The following DMD variants were observed in gnomAD, a reference collection of about 807,000 sequenced individuals.
DMD encodes dystrophin, also known as mutant dystrophin.
A neutral mutation model predicts 330.1 loss-of-function variants in DMD; 63 were observed. That is an observed-to-expected ratio of 0.19 (90% CI 0.16 to 0.24). The LOEUF (loss-of-function observed/expected upper bound fraction) is 0.24, where lower values mean the gene tolerates loss of function less well. Among genes scored for constraint, DMD ranks in the 10% least tolerant of loss-of-function variants. The pLI, the probability that DMD is intolerant of heterozygous loss-of-function variation, is 1.00. For synonymous variants in DMD, 1,223 were observed against 959.8 expected, an observed-to-expected ratio of 1.27 and a Z score of -5.07; for missense variants, 3,344 against 2,684.1, an observed-to-expected ratio of 1.25 and a Z score of -5.43.
At chrX:32,238,117 T>C (rs2097194699) in intron 43 of DMD, among the ~76,000 whole-genome samples, 1 of 111,988 alleles carries the variant, frequency 8.9e-6, no homozygotes, top group African/African-American at 3.2e-5. Context: ...CAATTTATAG[T>C]TTATCAGGGT....
At chrX:32,562,905 A>G (rs193165386) in intron 16 of DMD, among the ~76,000 whole-genome samples, 1 of 112,001 alleles carries the variant, frequency 8.9e-6, no homozygotes, top group African/African-American at 3.2e-5. Context: ...TAATTTTTGG[A>G]AAGGCAATGA....
intron 2 of DMD, among the ~76,000 whole-genome samples, chrX:32,953,211 A>G (rs1006214643): frequency 9.1e-6 from 1 of 110,300 alleles, no homozygotes; most frequent in Admixed American, 9.8e-5. Flanking sequence ...ACTCATTTTT[A>G]TATGTAAAAG....
intron 62 of DMD, among the ~76,000 whole-genome samples, chrX:31,276,214 G>A (rs2052101839): frequency 9.0e-6 from 1 of 111,062 alleles, no homozygotes; most frequent in Non-Finnish European, 1.9e-5. Flanking sequence ...CTGCCACCAC[G>A]CCCGGCTAAT....
intron 65 of DMD, among the ~76,000 whole-genome samples, chrX:31,207,062 A>G (rs1569464653): frequency 8.9e-6 from 1 of 111,957 alleles, no homozygotes; most frequent in Non-Finnish European, 1.9e-5. Context: ...TACTAAAGCA[A>G]ATTACCTACT....
At chrX:32,223,992 C>A (rs1489801659) in intron 43 of DMD, among the ~76,000 whole-genome samples, 1 of 111,535 alleles carries the variant, frequency 9.0e-6, no homozygotes, top group Non-Finnish European at 1.9e-5. Flanking sequence ...TGCCAGCAGG[C>A]CACAAGCCCT....
chrX:32,705,079 T>G (rs187263862), intron 7 of DMD, among the ~76,000 whole-genome samples: 1 of 89,768 alleles, frequency 1.1e-5, no homozygotes, highest in Non-Finnish European at 1.9e-5. Flanking sequence ...CATTCAGCAC[T>G]GACTGCATTG....
intron 62 of DMD, among the ~76,000 whole-genome samples, chrX:31,318,352 T>C (rs2056191669): frequency 8.9e-6 from 1 of 112,086 alleles, no homozygotes; most frequent in Non-Finnish European, 1.9e-5. Flanking sequence ...CAAATACTCG[T>C]ACAAATAGAG....
At chrX:31,527,068 T>C (rs905567089) in intron 55 of DMD, among the ~76,000 whole-genome samples, 10 of 111,544 alleles carry the variant, frequency 9.0e-5, no homozygotes, top group African/African-American at 2.9e-4. Context: ...TGAGCCATGA[T>C]TGTGCCACTG....
At chrX:31,215,192 C>T (rs1255660347) in intron 64 of DMD, among the ~76,000 whole-genome samples, 1 of 108,624 alleles carries the variant, frequency 9.2e-6, no homozygotes, top group Non-Finnish European at 1.9e-5. Context: ...CTGCCTGCCT[C>T]GGCCTCCCGA....
chrX:33,227,736 G>T lies in DMD; in HGVS notation c.7+111523C>A, dbSNP rs1454245721. On this transcript the variant is annotated intron_variant, in intron 1 of 17. Transcript: ENST00000288447. ...AAAGAGAGAGAGAGAGAGAGAGAGA[G>T]TCTTTGAGTGGCATCCTGTTTTGAA... Among the ~76,000 whole-genome samples, 6 of 108,431 alleles carry T rather than the reference G, an allele frequency of 5.5e-5. No homozygotes were observed. In the Admixed American group the frequency reaches 5.9e-4, roughly 11 times the overall value. The allele number at this position is 108,431 out of a possible 115,157, so 94.2% of individuals were successfully genotyped here. A position where few individuals can be genotyped will look rare whatever the true frequency, so the allele number is the denominator to read the frequency against.
chrX:32,520,979 A>G (rs1053351989), intron 17 of DMD, among the ~76,000 whole-genome samples: 1 of 110,808 alleles, frequency 9.0e-6, no homozygotes, highest in African/African-American at 3.3e-5. Context: ...TACAGAAACA[A>G]GTGCAATTAT....
At chrX:32,958,238 A>G (rs1238111133) in intron 2 of DMD, among the ~76,000 whole-genome samples, 1 of 111,920 alleles carries the variant, frequency 8.9e-6, no homozygotes, top group Non-Finnish European at 1.9e-5. Context: ...TCAATAACAA[A>G]GTGTATTAAA....
intron 50 of DMD, among the ~76,000 whole-genome samples, chrX:31,777,903 T>C (rs1313974745): frequency 1.8e-5 from 2 of 112,127 alleles, no homozygotes; most frequent in Non-Finnish European, 3.8e-5. Context: ...TGGGATTTTA[T>C]GCTCTGTACT....
At chrX:31,809,094 T>C (rs10284151) in intron 50 of DMD, among the ~76,000 whole-genome samples, 2 of 107,562 alleles carry the variant, frequency 1.9e-5, no homozygotes, top group Non-Finnish European at 3.8e-5. Context: ...CTCTCATATA[T>C]ACATATAAAA....
At chrX:32,419,741 C>T (rs1014319488) in intron 29 of DMD, among the ~76,000 whole-genome samples, 5 of 111,618 alleles carry the variant, frequency 4.5e-5, no homozygotes, top group African/African-American at 9.8e-5. Flanking sequence ...TTAATAGGAA[C>T]TTCACCTGTT....
chrX:32,357,622 C>T (rs1297677784), intron 37 of DMD, among the ~76,000 whole-genome samples: 1 of 106,604 alleles, frequency 9.4e-6, no homozygotes, highest in Non-Finnish European at 1.9e-5. Context: ...CTCCTCACAA[C>T]TATCACTGGA....
intron 2 of DMD, among the ~76,000 whole-genome samples, chrX:32,901,282 T>G (rs907732775): frequency 2.7e-5 from 3 of 111,759 alleles, no homozygotes; most frequent in African/African-American, 9.7e-5. Context: ...CTTACTACAA[T>G]TCTTTTTTAA....
In DMD at chrX:31,344,043, G is replaced by C. The variant is rs1363991127; in HGVS notation, c.9163+4513C>G. On this transcript the variant is annotated intron_variant, in intron 61 of 78. Coordinates refer to ENST00000357033, the MANE Select transcript of DMD (RefSeq NM_004006.3). ...TGTCACACAGATTGGAGTGCGGGGG[G>C]GGGTGGATTATGGATCACTGCAGCC... Among the ~76,000 whole-genome samples the C allele has an allele frequency of 4.5e-4, 46 of 101,797 alleles. 1 individual carries two copies. Among genetic ancestry groups the C allele is most frequent in the South Asian group, 2.4e-3 (5 of 2,091 alleles). The allele number at this position is 101,797 out of a possible 115,157, so 88.4% of individuals were successfully genotyped here. A position where few individuals can be genotyped will look rare whatever the true frequency, so the allele number is the denominator to read the frequency against.
chrX:31,510,503 GCT>G (rs1164575439), intron 55 of DMD, among the ~76,000 whole-genome samples: 2 of 96,077 alleles, frequency 2.1e-5, no homozygotes, highest in East Asian at 3.2e-4. Context: ...AATTCTGACT[GCT>G]CTTTTTTTTT....
Sources: gnomAD v4.1 joint callset for allele counts (sites outside exome capture counted in the v4.1 genomes callset) on GRCh38, gnomAD v4.1.1 for gene constraint, MANE v1.5 for transcripts, NCBI Gene and HGNC (gene_info 2026-07-23, HGNC 2026-07-21) for gene names.